SNED1: variants seen among roughly 807,000 people sequenced by gnomAD.
The protein encoded by SNED1 is sushi, nidogen and EGF like domains 1, also known as sushi, nidogen and EGF-like domain-containing protein 1.
A neutral mutation model predicts 166.7 loss-of-function variants in SNED1; 81 were observed. That is an observed-to-expected ratio of 0.49 (90% CI 0.41 to 0.58). SNED1 has a LOEUF of 0.58. SNED1 is among the 20% of genes least tolerant of loss of function. The pLI is 0.00. For synonymous variants in SNED1, 762 were observed against 822.0 expected (o/e 0.93, Z 1.25); for missense variants, 1,604 against 2,000.2 (o/e 0.80, Z 3.78).
intron 27 of SNED1, among the ~76,000 whole-genome samples, chr2:241,080,610 C>T (rs1337777029): frequency 2.0e-5 from 3 of 152,222 alleles, no homozygotes; most frequent in Admixed American, 6.5e-5. Flanking sequence ...GTCCTGAGGG[C>T]GGGGAGCCAA....
chr2:241,057,412 T>TATATATATATATATGC (rs1553574678), intron 16 of SNED1, among the ~76,000 whole-genome samples: 11 of 129,378 alleles, frequency 8.5e-5, no homozygotes, highest in African/African-American at 3.0e-4. Context: ...TATATATATA[T>TATATATATATATATGC]GCCATACGCA....
intron 29 of SNED1, chr2:241,086,965 A>G (rs541292850): frequency 2.5e-5 from 4 of 157,106 alleles, no homozygotes; most frequent in South Asian, 2.0e-4. Flanking sequence ...CTGTTCTACA[A>G]TGCCTACATC....
intron 1 of SNED1, among the ~76,000 whole-genome samples, chr2:241,027,121 C>T (rs188817465): frequency 1.2e-4 from 18 of 151,852 alleles, no homozygotes; most frequent in Non-Finnish European, 1.5e-4. Flanking sequence ...CACTCTGTCA[C>T]GCAGTCTGGA....
Position 241,068,702 on chromosome 2 carries a change from C to A in SNED1, c.3195-209C>A, listed in dbSNP as rs1241691304. On this transcript the variant is annotated intron_variant, in intron 22 of 31. Coordinates refer to ENST00000310397, the MANE Select transcript of SNED1 (RefSeq NM_001080437.3). This position sits in a 1 kb window ranked among gnomAD's most constrained non-coding sequence, Gnocchi z 5.3. ...GCCCCAAGCGCACCCGATCCTCCTC[C>A]GCTGCCCGGACTATGGGTTGGCTTC... Among the ~76,000 whole-genome samples the A allele has an allele frequency of 1.3e-5, 2 of 152,176 alleles. No individual in the cohort carries two copies. The highest frequency in any genetic ancestry group is 2.9e-5 in the Non-Finnish European group (2 of 68,020).
At chr2:241,032,823 A>C (rs2061230346) in intron 2 of SNED1, among the ~76,000 whole-genome samples, 1 of 151,948 alleles carries the variant, frequency 6.6e-6, no homozygotes, top group Non-Finnish European at 1.5e-5. Context: ...GTCTCTTCAT[A>C]CCCTCTGACA....
chr2:241,055,107 A>T (rs2062003673), intron 16 of SNED1, among the ~76,000 whole-genome samples: 1 of 149,864 alleles, frequency 6.7e-6, no homozygotes, highest in Admixed American at 6.7e-5. Context: ...ATAGAGTAAG[A>T]CTCTGTCTCA....
At chr2:241,037,752 C>T (rs1258918545) in intron 6 of SNED1, among the ~76,000 whole-genome samples, 2 of 152,228 alleles carry the variant, frequency 1.3e-5, no homozygotes, top group African/African-American at 4.8e-5. Context: ...ACGTGAAGTG[C>T]TTCTGGGGTC....
intron 4 of SNED1, among the ~76,000 whole-genome samples, chr2:241,036,039 GT>G (rs2061351564): frequency 4.4e-5 from 1 of 22,950 alleles, no homozygotes; most frequent in Non-Finnish European, 6.7e-5. Context: ...CACGGGGTGG[GT>G]GGGGGGTGGA....
At chr2:241,003,760 TCA>T (rs879674275) in intron 1 of SNED1, among the ~76,000 whole-genome samples, 1 of 152,190 alleles carries the variant, frequency 6.6e-6, no homozygotes, top group Non-Finnish European at 1.5e-5. Context: ...GAGAAGAGAC[TCA>T]CAGGGAAGAC....
rs139329946 is a variant in SNED1, at chr2:241,078,769, T to C, written c.3917-2908T>C. 1.3e-3 allele frequency among the ~76,000 whole-genome samples: 199 copies of C among 151,866 alleles called. 9 individuals are homozygous for C. Among genetic ancestry groups the C allele is most frequent in the African/African-American group, 4.5e-3 (187 of 41,170 alleles). On this transcript the variant is annotated intron_variant, in intron 27 of 31. Transcript: ENST00000310397. Reference sequence around the variant, plus strand: ...GCTTAAAACCAATAAATTGTACACTTTGGGTGAATTTTATGTTATATGAAT... The same window carrying C: ...GCTTAAAACCAATAAATTGTACACTCTGGGTGAATTTTATGTTATATGAAT...
chr2:241,038,701 T>C (rs2061441329), intron 6 of SNED1, among the ~76,000 whole-genome samples: 1 of 152,266 alleles, frequency 6.6e-6, no homozygotes, highest in Non-Finnish European at 1.5e-5. Flanking sequence ...GTCGGGCTTC[T>C]GTGGCATTGG....
intron 1 of SNED1, among the ~76,000 whole-genome samples, chr2:241,008,545 C>G (rs951597292): frequency 1.3e-5 from 2 of 152,218 alleles, no homozygotes; most frequent in Non-Finnish European, 2.9e-5. Flanking sequence ...GGGTCGGGGC[C>G]TGGTCACACT....
chr2:241,036,619 C>T (rs772870955), intron 4 of SNED1, among the ~76,000 whole-genome samples, 171 bp from the exon 5 acceptor site: 7 of 152,152 alleles, frequency 4.6e-5, no homozygotes, highest in Non-Finnish European at 7.4e-5. Context: ...CCCTGCTCCC[C>T]TGCTCCGACC....
In SNED1 at chr2:241,040,189, G is replaced by C; in HGVS notation, c.1159+1G>C. The C allele has an allele frequency of 6.3e-7, 1 of 1,591,624 alleles. No homozygotes were observed. Among genetic ancestry groups the C allele is most frequent in the Non-Finnish European group, 8.6e-7 (1 of 1,168,790 alleles). On this transcript the variant is annotated splice_donor_variant, in intron 7 of 31. Transcript: ENST00000310397. LOFTEE classifies it high-confidence loss of function. ...TACACCGGAGCAGCCTGCGAGATGG[G>C]TGAGTGGCCTGGCTTCGGATTGGAG...
In SNED1 at chr2:241,051,435, G is replaced by A. The variant is rs1559266523; in HGVS notation, c.1736-309G>A. On this transcript the variant is annotated intron_variant, in intron 12 of 31. Coordinates refer to ENST00000310397, the MANE Select transcript of SNED1 (RefSeq NM_001080437.3). The surrounding 1 kb of genome is among the most constrained non-coding windows in gnomAD (Gnocchi z 4.7). ...CCGTGTGCAGGAGGGAGGGAGTGCTGCGCCCGCTGCAGTGTTGGGGCCGGT... is the reference window on the plus strand; with the variant it reads ...CCGTGTGCAGGAGGGAGGGAGTGCTACGCCCGCTGCAGTGTTGGGGCCGGT... 2 of 300,648 alleles carry A rather than the reference G, an allele frequency of 6.7e-6. No homozygotes were observed. Among genetic ancestry groups the A allele is most frequent in the Non-Finnish European group, 6.1e-6 (1 of 163,612 alleles). 18.6% of individuals were successfully genotyped at this position (300,648 alleles called of 1,614,324 possible).
chr2:241,083,393 G>C (rs1559311902), intron 29 of SNED1, among the ~76,000 whole-genome samples: 1 of 151,602 alleles, frequency 6.6e-6, no homozygotes. Context: ...GCATGAAATG[G>C]GGAGGAGCTA....
At chr2:241,040,222 C>T (rs1205958616) in intron 7 of SNED1, 34 bp downstream of exon 7, 3 of 1,571,976 alleles carry the variant, frequency 1.9e-6, no homozygotes, top group South Asian at 1.2e-5. Flanking sequence ...GAGAGGGGCT[C>T]CTGCCCGTGG....
In SNED1 at chr2:241,061,871, AAAAAG is replaced by A. The variant is rs1421411241; in HGVS notation, c.2258-915_2258-911del. Among the ~76,000 whole-genome samples the A allele has an allele frequency of 5.3e-5, 8 of 152,092 alleles. No individual in the cohort carries two copies. In the East Asian group the frequency reaches 1.4e-3, roughly 26 times the overall value. On this transcript the variant is annotated intron_variant, in intron 16 of 31. Coordinates refer to ENST00000310397, the MANE Select transcript of SNED1 (RefSeq NM_001080437.3). ...CATCCCCCCAAAAAAAAAAAAAGAA[AAAAAG>A]AAAACAAAAAAAGGAAAAAGTCTAG...
Position 241,068,751 on chromosome 2 carries a change from G to A in SNED1, c.3195-160G>A, listed in dbSNP as rs2062575163. Among the ~76,000 whole-genome samples the A allele has an allele frequency of 6.6e-6, 1 of 152,162 alleles. No homozygotes were observed. The highest frequency in any genetic ancestry group is 2.4e-5 in the African/African-American group (1 of 41,432). Reference sequence around the variant, plus strand: ...TCCCGCCCTAGGAGCACACGGCTCTGAGGGCCATGAGTCTGCCCCTCGTGG... The same window carrying A: ...TCCCGCCCTAGGAGCACACGGCTCTAAGGGCCATGAGTCTGCCCCTCGTGG... On this transcript the variant is annotated intron_variant, in intron 22 of 31. Transcript: ENST00000310397. The surrounding 1 kb of genome is among the most constrained non-coding windows in gnomAD (Gnocchi z 5.3).
Sources: allele counts gnomAD v4.1 joint callset (sites outside exome capture counted in the v4.1 genomes callset), GRCh38; gene constraint gnomAD v4.1.1; non-coding constraint Gnocchi (gnomAD v3.1); transcripts MANE v1.5; gene names NCBI Gene and HGNC (gene_info 2026-07-23, HGNC 2026-07-21).